RGS10: variants seen among roughly 807,000 people sequenced by gnomAD.
RGS10 encodes the protein regulator of G protein signaling 10, also known as regulator of G-protein signalling 10.
In RGS10, 11 loss-of-function variants were observed where a neutral mutation model predicts 23.5. The ratio of observed to expected loss-of-function variants is 0.47; its 90% CI spans 0.29 to 0.77. The LOEUF (loss-of-function observed/expected upper bound fraction) is 0.77, where lower values mean the gene tolerates loss of function less well. RGS10 is among the 30% of genes least tolerant of loss of function. The pLI, the probability that RGS10 is intolerant of heterozygous loss-of-function variation, is 0.08. For missense variants in RGS10, 180 were observed against 226.3 expected (o/e 0.80, Z 1.31); for synonymous variants, 77 against 83.2 (o/e 0.92, Z 0.41).
Position 119,517,010 on chromosome 10 carries a change from T to G in RGS10, c.256-1358A>C, listed in dbSNP as rs1057347756. On this transcript the variant is annotated intron_variant, in intron 3 of 4. Coordinates refer to ENST00000369103, the MANE Select transcript of RGS10 (RefSeq NM_001005339.2). This position sits in a 1 kb window ranked among gnomAD's most constrained non-coding sequence, Gnocchi z 5.0. ...CAGCCACACAGCTATGACATGTGTG[T>G]GGGGGGCCTGGAAAACTGCCTTTCT... Among the ~76,000 whole-genome samples, 8 of 152,238 alleles carry G rather than the reference T, an allele frequency of 5.3e-5. No individual in the cohort carries two copies. The highest frequency in any genetic ancestry group is 2.1e-4 in the South Asian group (1 of 4,828).
intron 1 of RGS10, among the ~76,000 whole-genome samples, chr10:119,533,673 T>C (rs1589842545): frequency 6.6e-6 from 1 of 152,146 alleles, no homozygotes; most frequent in Non-Finnish European, 1.5e-5. Flanking sequence ...GTGGAAAAAA[T>C]GTCAGGCATG....
intron 2 of RGS10, among the ~76,000 whole-genome samples, chr10:119,526,986 G>A (rs1844283127): frequency 1.3e-5 from 2 of 152,076 alleles, no homozygotes; most frequent in Admixed American, 1.3e-4. Context: ...CTTCACGTCA[G>A]AGAGACCCAG....
intron 4 of RGS10, among the ~76,000 whole-genome samples, chr10:119,502,711 G>C (rs188952889): frequency 6.6e-6 from 1 of 152,124 alleles, no homozygotes; most frequent in African/African-American, 2.4e-5. Context: ...AAGCCTGAGG[G>C]GAGGGGGCTG....
At chr10:119,521,341 C>T (rs1844210204) in intron 3 of RGS10, among the ~76,000 whole-genome samples, 1 of 151,958 alleles carries the variant, frequency 6.6e-6, no homozygotes, top group Non-Finnish European at 1.5e-5. Context: ...GAGGCCAGGG[C>T]AGGTGGATCA....
At chr10:119,506,851 C>T (rs1844019741) in intron 4 of RGS10, among the ~76,000 whole-genome samples, 1 of 152,196 alleles carries the variant, frequency 6.6e-6, no homozygotes, top group African/African-American at 2.4e-5. Flanking sequence ...CAGGCACGTG[C>T]CACCACACCC....
At chr10:119,501,154 AAG>A (rs1190068156) in intron 4 of RGS10, among the ~76,000 whole-genome samples, 1 of 152,160 alleles carries the variant, frequency 6.6e-6, no homozygotes, top group African/African-American at 2.4e-5. Context: ...GGGGCAGAGA[AAG>A]AGAAGCACAA....
In RGS10 at chr10:119,538,754, G is replaced by A. The variant is rs1844411631; in HGVS notation, c.49+3836C>T. 1.3e-5 allele frequency among the ~76,000 whole-genome samples: 2 copies of A among 152,154 alleles called. No homozygotes were observed. The highest frequency in any genetic ancestry group is 4.1e-4 in the South Asian group (2 of 4,830). On this transcript the variant is annotated intron_variant, in intron 1 of 4. Transcript: ENST00000369103. The surrounding 1 kb of genome is among the most constrained non-coding windows in gnomAD (Gnocchi z 4.5). ...GCCGCCTGACAGCTCTTATCAAGGG[G>A]CCACTGCTGCTGCCTGCTGGGGCCC...
intron 4 of RGS10, among the ~76,000 whole-genome samples, chr10:119,507,093 A>T (rs1844022724): frequency 6.6e-6 from 1 of 152,184 alleles, no homozygotes; most frequent in Non-Finnish European, 1.5e-5. Context: ...GCTACGGTGT[A>T]CACAGACAGC....
intron 3 of RGS10, among the ~76,000 whole-genome samples, chr10:119,515,857 G>A (rs1035938795): frequency 3.9e-4 from 60 of 152,210 alleles, no homozygotes; most frequent in African/African-American, 1.4e-3. Context: ...GCCCCTTCAT[G>A]CGCCTGCAGC....
At chr10:119,506,123 C>T (rs7919216) in intron 4 of RGS10, among the ~76,000 whole-genome samples, 126,900 of 152,142 alleles carry the variant, frequency 0.83, 53,451 homozygotes, top group Middle Eastern at 0.9. Flanking sequence ...AGAAAGGAAG[C>T]TCCTGTCCCT....
intron 4 of RGS10, among the ~76,000 whole-genome samples, chr10:119,507,197 G>A (rs1844023652): frequency 6.6e-6 from 1 of 152,086 alleles, no homozygotes. Flanking sequence ...TTGATCTTTT[G>A]GAGCAAATGT....
At chr10:119,539,341 C>G (rs556147842) in intron 1 of RGS10, among the ~76,000 whole-genome samples, 2 of 152,252 alleles carry the variant, frequency 1.3e-5, no homozygotes, top group Non-Finnish European at 2.9e-5. Context: ...AGGGTTTAAT[C>G]GGATCCTGTA....
intron 3 of RGS10, among the ~76,000 whole-genome samples, chr10:119,518,833 T>C (rs773945531): frequency 7.9e-5 from 12 of 151,966 alleles, no homozygotes; most frequent in Non-Finnish European, 1.6e-4. Context: ...ACCTCCCAAG[T>C]AGCTGGGATT....
At chr10:119,522,041 G>A (rs1258770812) in intron 3 of RGS10, among the ~76,000 whole-genome samples, 1 of 152,198 alleles carries the variant, frequency 6.6e-6, no homozygotes, top group Non-Finnish European at 1.5e-5. Flanking sequence ...ACTCAGGAGA[G>A]AAGAGGACTT....
At chr10:119,503,321 T>C (rs1288735217) in intron 4 of RGS10, among the ~76,000 whole-genome samples, 1 of 145,254 alleles carries the variant, frequency 6.9e-6, no homozygotes, top group Non-Finnish European at 1.5e-5. Context: ...TCCTGGGTGA[T>C]AGAGCCAGAC....
At position 119,527,013 on chromosome 10, in the gene RGS10, T is replaced by C. The variant is rs1023433945; in HGVS notation, c.168+293A>G. 6.6e-6 allele frequency among the ~76,000 whole-genome samples: 1 copy of C among 151,992 alleles called. No individual in the cohort carries two copies. The highest frequency in any genetic ancestry group is 2.4e-5 in the African/African-American group (1 of 41,374). On this transcript the variant is annotated intron_variant, in intron 2 of 4. Coordinates refer to ENST00000369103, the MANE Select transcript of RGS10 (RefSeq NM_001005339.2). This position sits in a 1 kb window ranked among gnomAD's most constrained non-coding sequence, Gnocchi z 4.2. The stretch of plus-strand genomic sequence containing the variant: ...GAGACCCAGAGCTGGGAATTCCTCA[T>C]ACAGACTCCACCAATAGGCACGGTA...
chr10:119,540,673 C>G (rs994859622), intron 1 of RGS10, among the ~76,000 whole-genome samples: 1 of 152,186 alleles, frequency 6.6e-6, no homozygotes, highest in African/African-American at 2.4e-5. Flanking sequence ...TGGCTACACG[C>G]AAAATCACCC....
chr10:119,514,124 C>G (rs2991784), intron 4 of RGS10, among the ~76,000 whole-genome samples: 145,164 of 152,296 alleles, frequency 0.95, 69,485 homozygotes, highest in Middle Eastern at 1. Context: ...GGGAGGCCGA[C>G]GCGGGCGGAT....
chr10:119,513,173 T>G (rs1224160296), intron 4 of RGS10, among the ~76,000 whole-genome samples: 1 of 152,208 alleles, frequency 6.6e-6, no homozygotes, highest in Non-Finnish European at 1.5e-5. Context: ...AAAATTTTTC[T>G]GAGGCTGGGC....
Sources: gnomAD v4.1 joint callset for allele counts (sites outside exome capture counted in the v4.1 genomes callset) on GRCh38, gnomAD v4.1.1 for gene constraint, Gnocchi (gnomAD v3.1) non-coding constraint, MANE v1.5 for transcripts, NCBI Gene and HGNC (gene_info 2026-07-23, HGNC 2026-07-21) for gene names.